C12orf71: variants seen among roughly 807,000 people sequenced by gnomAD.
C12orf71 encodes the protein uncharacterized protein C12orf71.
C12orf71 carries 10 observed loss-of-function variants against 11.7 expected under a neutral mutation model. The ratio of observed to expected loss-of-function variants is 0.86; its 90% CI spans 0.53 to 1.45. C12orf71 has a LOEUF of 1.45. Among genes scored for constraint, C12orf71 ranks in the 40% most tolerant of loss-of-function variants. The probability of loss-of-function intolerance (pLI) is 0.00; values close to 1 mark genes in which losing one functional copy is unlikely to be tolerated. For synonymous variants in C12orf71, 110 were observed against 123.4 expected (o/e 0.89, Z 0.72); for missense variants, 293 against 325.8 (o/e 0.90, Z 0.78).
In C12orf71 at chr12:27,081,301, A is replaced by G. The variant is rs1941930034; in HGVS notation, c.683T>C (p.Leu228Pro). Residue 228 changes from leucine to proline, a missense_variant, in exon 2 of 2, where the codon CTG becomes CCG. By Grantham distance (98) the Leu-to-Pro change is moderately conservative (BLOSUM62 -3). Transcript: ENST00000429849. The part of the protein sequence containing the change: ...SWLRQRILPS[L>P]LRRDHPVNAT... ...ATTCACAGGGTGATCCCTCCTCAGC[A>G]GAGAGGGGAGGATACGCTGCCTCAG... is the stretch of plus-strand genomic sequence containing the variant. 1 of 1,613,940 alleles carries G rather than the reference A, an allele frequency of 6.2e-7. No individual in the cohort carries two copies. Among genetic ancestry groups the G allele is most frequent in the Non-Finnish European group, 8.5e-7 (1 of 1,179,850 alleles).
chr12:27,082,140 C>T lies in C12orf71; in HGVS notation c.344G>A (p.Trp115Ter), dbSNP rs756068119. ...TCTCTCTTTTGGTAACTTGTCTATC[C>T]ACAGGTTGTCTCCATTTAGAAGCCT... is the stretch of plus-strand genomic sequence containing the variant. ...ANRLLNGDNL[W>*]IDKLPKERTK... Residue 115 changes from tryptophan (W) to a stop codon, truncating the protein, a stop_gained, in exon 1 of 2, where the codon TGG (tryptophan) becomes TAG (stop). Coordinates refer to ENST00000429849, the MANE Select transcript of C12orf71 (RefSeq NM_001080406.2). LOFTEE classifies it high-confidence loss of function. 1 of 1,613,594 alleles carries T rather than the reference C, an allele frequency of 6.2e-7. No homozygotes were observed. The highest frequency in any genetic ancestry group is 1.1e-5 in the South Asian group (1 of 91,000).
At position 27,082,343 on chromosome 12, in the gene C12orf71, C is replaced by G. The variant is rs368592321; in HGVS notation, c.141G>C (p.Lys47Asn). The G allele has an allele frequency of 2.6e-5, 42 of 1,600,070 alleles. No homozygotes were observed. Among genetic ancestry groups the G allele is most frequent in the Non-Finnish European group, 3.4e-5 (40 of 1,174,182 alleles). ...DTTSWEDAPS[K>N]GPSIHFLPPV... The stretch of plus-strand genomic sequence containing the variant: ...GAGGCAGAAAGTGGATGGAAGGACC[C>G]TTGGAAGGTGCATCTTCCCAGGAGG... The change falls in exon 1 of 2, where the codon AAG becomes AAC. Residue 47 changes from lysine (K) to asparagine (N), a missense_variant. Transcript: ENST00000429849.
In C12orf71 at chr12:27,082,385, G is replaced by C; in HGVS notation, c.99C>G (p.Thr33=). The C allele has an allele frequency of 6.3e-7, 1 of 1,576,322 alleles. No individual in the cohort carries two copies. Among genetic ancestry groups the C allele is most frequent in the Non-Finnish European group, 8.6e-7 (1 of 1,164,898 alleles). The part of the protein sequence containing the change: ...LSVGYFPCED[T]PCEDTTSWED... Reference sequence around the variant, plus strand: ...CCCAGGAGGTTGTGTCCTCACAGGGGGTGTCCTCACAGGGGAAATAGCCCA... The same window carrying C: ...CCCAGGAGGTTGTGTCCTCACAGGGCGTGTCCTCACAGGGGAAATAGCCCA... The change falls in exon 1 of 2, where the codon ACC becomes ACG. Residue 33 remains threonine (T), a synonymous_variant. Coordinates refer to ENST00000429849, the MANE Select transcript of C12orf71 (RefSeq NM_001080406.2).
rs1212570459 is a variant in C12orf71, at chr12:27,081,975, ATT to A, written c.507_508del (p.Glu169AspfsTer31). On this transcript the variant is annotated frameshift_variant, in exon 1 of 2. Transcript: ENST00000429849. LOFTEE classifies it low-confidence loss of function (END_TRUNC). Reference sequence around the variant, plus strand: ...ATATTCCTGATGACTGACCTGAACCATTTCCGGAGGGGAGCCGCTGGATAGCT... The same window carrying A: ...ATATTCCTGATGACTGACCTGAACCATCCGGAGGGGAGCCGCTGGATAGCT... 3.5e-5 allele frequency: 55 copies of A among 1,579,926 alleles called. No individual in the cohort carries two copies. The highest frequency in any genetic ancestry group is 4.6e-5 in the Non-Finnish European group (53 of 1,161,152).
In C12orf71 at chr12:27,082,472, T is replaced by G; in HGVS notation, c.12A>C (p.Ser4=). ...CGTCCTCTATGTCGCTGTTAGAGGATGAATATGCCATGGAGTTCAAAGGCA... is the reference window on the plus strand; with the variant it reads ...CGTCCTCTATGTCGCTGTTAGAGGAGGAATATGCCATGGAGTTCAAAGGCA... MAY[S]SSNSDIEDDS... Residue 4 remains serine (S), a synonymous_variant, in exon 1 of 2, where the codon TCA becomes TCC. Coordinates refer to ENST00000429849, the MANE Select transcript of C12orf71 (RefSeq NM_001080406.2). 1 of 1,500,640 alleles carries G rather than the reference T, an allele frequency of 6.7e-7. No individual in the cohort carries two copies. The highest frequency in any genetic ancestry group is 8.9e-7 in the Non-Finnish European group (1 of 1,125,918). The allele number at this position is 1,500,640 out of a possible 1,614,324, so 93.0% of individuals were successfully genotyped here.
upstream of C12orf71, among the ~76,000 whole-genome samples, chr12:27,082,727 G>A (rs1293830180): frequency 1.7e-4 from 25 of 151,016 alleles, no homozygotes; most frequent in African/African-American, 2.4e-5. Context: ...ACAAGCACAC[G>A]CCACCACACC....
At position 27,081,242 on chromosome 12, in the gene C12orf71, T is replaced by A. The variant is rs1434957378; in HGVS notation, c.742A>T (p.Lys248Ter). Residue 248 changes from lysine (K) to a stop codon, truncating the protein, a stop_gained, in exon 2 of 2, where the codon AAA becomes TAA. Transcript: ENST00000429849. LOFTEE classifies it low-confidence loss of function (END_TRUNC). ...CTCTTGCCTCTGTGAAAGAGTCTTT[T>A]CGTTGGTGCTGACCGATGGGGACTT... Reference protein sequence around the residue: ...TKSPHRSAPTKRLFHRGKRIQ... With the variant: ...TKSPHRSAPT The A allele has an allele frequency of 6.2e-7, 1 of 1,613,986 alleles. No individual in the cohort carries two copies. Among genetic ancestry groups the A allele is most frequent in the South Asian group, 1.1e-5 (1 of 91,086 alleles).
chr12:27,082,558 G>T lies in C12orf71; in HGVS notation c.-75C>A. ...AAAAAGAAAAAATAGGTGGGACTAA[G>T]GAGAAGAGAGTCATAGTACTTAAGC... is the stretch of plus-strand genomic sequence containing the variant. On this transcript the variant is annotated 5_prime_UTR_variant, in exon 1 of 2. Coordinates refer to ENST00000429849, the MANE Select transcript of C12orf71 (RefSeq NM_001080406.2). The T allele has an allele frequency of 8.3e-7, 1 of 1,208,096 alleles. No homozygotes were observed. The highest frequency in any genetic ancestry group is 2.6e-5 in the East Asian group (1 of 37,920). The allele number at this position is 1,208,096 out of a possible 1,614,324, so 74.8% of individuals were successfully genotyped here.
chr12:27,081,206 G>A lies in C12orf71; in HGVS notation c.778C>T (p.Gln260Ter). The A allele has an allele frequency of 1.9e-6, 3 of 1,613,392 alleles. No homozygotes were observed. Among genetic ancestry groups the A allele is most frequent in the Non-Finnish European group, 2.5e-6 (3 of 1,179,458 alleles). ...LFHRGKRIQPQETLELGHPI is the reference protein window; with the variant it reads ...LFHRGKRIQP ...GGATGTCCTAATTCAAGGGTTTCTT[G>A]AGGTTGAATTCTCTTGCCTCTGTGA... is the stretch of plus-strand genomic sequence containing the variant. Residue 260 changes from glutamine (Q) to a stop codon, truncating the protein, a stop_gained, in exon 2 of 2, where the codon CAA becomes TAA. Transcript: ENST00000429849. LOFTEE classifies it low-confidence loss of function (END_TRUNC).
Position 27,082,193 on chromosome 12 carries a change from G to A in C12orf71, c.291C>T (p.Gly97=), listed in dbSNP as rs75158113. Residue 97 remains glycine, a synonymous_variant, in exon 1 of 2, where the codon GGC becomes GGT. Transcript: ENST00000429849. Reference sequence around the variant, plus strand: ...TAGCTCTTGAGTCTGTGTTATCGGAGCCAATGTCCACGTCCCAGGCCAGGA... The same window carrying A: ...TAGCTCTTGAGTCTGTGTTATCGGAACCAATGTCCACGTCCCAGGCCAGGA... ...SIFLAWDVDI[G]SDNTDSRANR... is the part of the protein sequence containing the mutation. 2.2e-3 allele frequency: 3,471 copies of A among 1,613,948 alleles called. 66 individuals are homozygous for A. The African/African-American group carries it at 0.037, about 17-fold the overall frequency.
chr12:27,081,760 C>CT (rs2136522348), intron 1 of C12orf71: 3 of 725,862 alleles, frequency 4.1e-6, no homozygotes, highest in Non-Finnish European at 7.4e-6. Flanking sequence ...GTCAGTCCCC[C>CT]TGGGACCTGC....
chr12:27,081,821 C>T (rs1488236282), intron 1 of C12orf71, 147 bp downstream of exon 1: 8 of 884,768 alleles, frequency 9.0e-6, no homozygotes, highest in Non-Finnish European at 1.5e-5. Context: ...CCTATCCCTT[C>T]CTGTCCTGTG....
chr12:27,081,908 A>T, intron 1 of C12orf71, 60 bp downstream of exon 1: 1 of 1,508,554 alleles, frequency 6.6e-7, no homozygotes, highest in South Asian at 1.2e-5. Flanking sequence ...TAACATCTTT[A>T]TTTTCTGGTG....
upstream of C12orf71, chr12:27,082,612 T>TTA: frequency 4.2e-6 from 3 of 718,870 alleles, no homozygotes; most frequent in Non-Finnish European, 6.1e-6. Context: ...CTTCTCTTTT[T>TTA]TCTTTTTTTT....
upstream of C12orf71, among the ~76,000 whole-genome samples, chr12:27,082,891 A>G (rs2136523367): frequency 6.6e-6 from 1 of 151,246 alleles, no homozygotes; most frequent in Non-Finnish European, 1.5e-5. Context: ...TCCCTTTTCT[A>G]TTCAGAACTA....
At chr12:27,082,798 G>A (rs1245649301), upstream of C12orf71, among the ~76,000 whole-genome samples, 5 of 151,710 alleles carry the variant, frequency 3.3e-5, no homozygotes, top group Non-Finnish European at 2.9e-5. Flanking sequence ...GGCTGGTCTC[G>A]AACTCCTGAC....
Position 27,082,419 on chromosome 12 carries a change from C to A in C12orf71, c.65G>T (p.Ser22Ile), listed in dbSNP as rs573851635. Residue 22 changes from serine (S) to isoleucine (I), a missense_variant, in exon 1 of 2, where the codon AGC (serine) becomes ATC (isoleucine). By Grantham distance (142) the Ser-to-Ile change is moderately radical (BLOSUM62 -2). Transcript: ENST00000429849. ...DDSSKSNSNL[S>I]LSVGYFPCED... is the part of the protein sequence containing the mutation. The stretch of plus-strand genomic sequence containing the variant: ...ACAGGGGAAATAGCCCACAGAGAGG[C>A]TCAGGTTGGAATTGGATTTGGAGCT... 5.3e-5 allele frequency: 82 copies of A among 1,534,882 alleles called. No homozygotes were observed. Among genetic ancestry groups the A allele is most frequent in the East Asian group, 2.3e-4 (10 of 44,324 alleles).
chr12:27,081,808 A>G (rs1941935183), intron 1 of C12orf71, 160 bp downstream of exon 1: 2 of 826,190 alleles, frequency 2.4e-6, no homozygotes, highest in Non-Finnish European at 4.0e-6. Context: ...GGTTCAACCC[A>G]GGCCTATCCC....
At chr12:27,082,598 T>G, upstream of C12orf71, 4 of 733,750 alleles carry the variant, frequency 5.5e-6, no homozygotes, top group Non-Finnish European at 8.0e-6. Context: ...ACATTATCCA[T>G]TCCCTTCTCT....
Sources: gnomAD v4.1 joint callset for allele counts (sites outside exome capture counted in the v4.1 genomes callset) on GRCh38, gnomAD v4.1.1 for gene constraint, MANE v1.5 for transcripts, NCBI Gene and HGNC (gene_info 2026-07-23, HGNC 2026-07-21) for gene names.